Variants in VAC14 observed in about 807,000 individuals in gnomAD.
The protein encoded by VAC14 is protein VAC14 homolog.
A neutral mutation model predicts 85.3 loss-of-function variants in VAC14; 47 were observed. The ratio of observed to expected loss-of-function variants is 0.55; its 90% CI spans 0.44 to 0.70. The LOEUF is 0.70. VAC14 is among the 30% of genes least tolerant of loss of function. VAC14 has a pLI of 0.00. For missense variants in VAC14, 861 were observed against 1,004.3 expected (o/e 0.86, Z 1.93); for synonymous variants, 447 against 430.5 (o/e 1.04, Z -0.47).
intron 14 of VAC14, among the ~76,000 whole-genome samples, chr16:70,711,047 C>T (rs983180781): frequency 2.0e-5 from 3 of 152,360 alleles, no homozygotes; most frequent in Non-Finnish European, 2.9e-5. Context: ...AGCGGGGAGC[C>T]GCCAGCCCCT....
Position 70,692,762 on chromosome 16 carries a change from C to T in VAC14, c.2186+59G>A, listed in dbSNP as rs1486067276. The T allele has an allele frequency of 1.9e-6, 3 of 1,555,330 alleles. No individual in the cohort carries two copies. In the African/African-American group the frequency reaches 4.1e-5, roughly 21 times the overall value. ...CCTGGCAAGGCCCTTCCTCACCAGGCTCCTCTGGGCCTGTCCCTGCTCAGG... is the reference window on the plus strand; with the variant it reads ...CCTGGCAAGGCCCTTCCTCACCAGGTTCCTCTGGGCCTGTCCCTGCTCAGG... On this transcript the variant is annotated intron_variant, in intron 18 of 18. Coordinates refer to ENST00000261776, the MANE Select transcript of VAC14 (RefSeq NM_018052.5).
intron 9 of VAC14, among the ~76,000 whole-genome samples, chr16:70,775,601 C>T (rs532369512): frequency 8.5e-5 from 13 of 152,288 alleles, no homozygotes; most frequent in Admixed American, 7.2e-4. Flanking sequence ...GGGCTGGGCC[C>T]GCTCAGATGC....
In VAC14 at chr16:70,763,064, C is replaced by T. The variant is rs1309785812; in HGVS notation, c.1161-39G>A. On this transcript the variant is annotated intron_variant, in intron 10 of 18. Transcript: ENST00000261776. ...CGGGAGGGAGAGCAGAGGTGAAGCC[C>T]ACCATAGCCCTCTCCCATGGAGTCA... is the stretch of plus-strand genomic sequence containing the variant. 5.0e-6 allele frequency: 8 copies of T among 1,612,716 alleles called. No individual in the cohort carries two copies. In the Admixed American group the frequency reaches 1.2e-4, roughly 24 times the overall value.
rs751105042 is a variant in VAC14, at chr16:70,762,603, C to T, written c.1308G>A (p.Met436Ile). ...GAAAGAGGCTGTCCGTGTGCCGGAACATCTGGAGGGCAGAGAAGCAGGGGT... is the reference window on the plus strand; with the variant it reads ...GAAAGAGGCTGTCCGTGTGCCGGAATATCTGGAGGGCAGAGAAGCAGGGGT... The part of the protein sequence containing the change: ...YHLYIKTPRK[M>I]FRHTDSLFPI... Residue 436 changes from methionine to isoleucine, a missense_variant and splice_region_variant, in exon 12 of 19, where the codon ATG becomes ATA. By Grantham distance (10) the Met-to-Ile change is conservative. Coordinates refer to ENST00000261776, the MANE Select transcript of VAC14 (RefSeq NM_018052.5). The surrounding 1 kb of genome is among the most constrained non-coding windows in gnomAD (Gnocchi z 4.1). The T allele has an allele frequency of 9.3e-6, 15 of 1,614,064 alleles. No individual in the cohort carries two copies. Among genetic ancestry groups the T allele is most frequent in the Middle Eastern group, 1.6e-4 (1 of 6,062 alleles).
At chr16:70,721,568 C>T (rs958722124) in intron 14 of VAC14, among the ~76,000 whole-genome samples, 4 of 152,090 alleles carry the variant, frequency 2.6e-5, no homozygotes, top group African/African-American at 9.7e-5. Flanking sequence ...ATGGCGACCC[C>T]ATGGGAGGGC....
intron 4 of VAC14, 124 bp from the exon 5 acceptor site, chr16:70,784,344 A>G (rs1567604436): frequency 1.4e-6 from 1 of 716,554 alleles, no homozygotes; most frequent in Admixed American, 2.2e-5. Flanking sequence ...GCAGATCCTG[A>G]GCTAGGCATA....
At chr16:70,791,574 C>T (rs1048877417) in intron 1 of VAC14, among the ~76,000 whole-genome samples, 82 of 152,210 alleles carry the variant, frequency 5.4e-4, no homozygotes, top group African/African-American at 1.1e-3. Flanking sequence ...TTAGTAGAGA[C>T]GGGGTTTCAC....
chr16:70,776,088 A>AT (rs1334428209), intron 9 of VAC14, among the ~76,000 whole-genome samples: 1 of 152,158 alleles, frequency 6.6e-6, no homozygotes, highest in African/African-American at 2.4e-5. Flanking sequence ...GACACCCACC[A>AT]TAAGAACTAT....
In VAC14 at chr16:70,731,643, T is replaced by A. The variant is rs750719861; in HGVS notation, c.1529-16A>T. 6.2e-7 allele frequency: 1 copy of A among 1,612,898 alleles called. No individual in the cohort carries two copies. The highest frequency in any genetic ancestry group is 8.5e-7 in the Non-Finnish European group (1 of 1,179,526). On this transcript the variant is annotated splice_polypyrimidine_tract_variant and intron_variant, in intron 13 of 18. Coordinates refer to ENST00000261776, the MANE Select transcript of VAC14 (RefSeq NM_018052.5). ...CCTTTGGTACCTGTAGAGAAAGGGA[T>A]AGAGCCAGCATTTATTCTGATTATG...
chr16:70,699,005 C>G lies in VAC14; in HGVS notation c.1662-194G>C, dbSNP rs10153136. ...GGTGGGGGGAATGCCGCACCTGCCT[C>G]TAGGCCTCCCAGCACTGCCTACCTG... On this transcript the variant is annotated intron_variant, in intron 14 of 18. Coordinates refer to ENST00000261776, the MANE Select transcript of VAC14 (RefSeq NM_018052.5). 0.11 allele frequency among the ~76,000 whole-genome samples: 16,639 copies of G among 152,124 alleles called. 1,632 individuals are homozygous for G. Among genetic ancestry groups the G allele is most frequent in the African/African-American group, 0.27 (10,993 of 41,458 alleles).
chr16:70,767,828 C>A (rs564508264), intron 10 of VAC14, among the ~76,000 whole-genome samples: 1 of 152,250 alleles, frequency 6.6e-6, no homozygotes, highest in African/African-American at 2.4e-5. Context: ...GTGTAAAGTG[C>A]TTTCTGCGGC....
At chr16:70,772,312 A>G in intron 9 of VAC14, 140 bp from the exon 10 acceptor site, 2 of 686,988 alleles carry the variant, frequency 2.9e-6, no homozygotes. Flanking sequence ...ATGGCTCTGG[A>G]GCCCTGAGGA....
intron 13 of VAC14, among the ~76,000 whole-genome samples, chr16:70,736,159 G>A (rs2054744394): frequency 6.6e-6 from 1 of 152,210 alleles, no homozygotes; most frequent in Non-Finnish European, 1.5e-5. Context: ...GCAGTAGGAA[G>A]CACTGAGCAT....
Position 70,776,818 on chromosome 16 carries a change from T to C in VAC14, c.1096+3972A>G, listed in dbSNP as rs1238558894. Among the ~76,000 whole-genome samples, 4 of 132,720 alleles carry C rather than the reference T, an allele frequency of 3.0e-5. No individual in the cohort carries two copies. In the East Asian group the frequency reaches 8.0e-4, roughly 27 times the overall value. 87.1% of individuals were successfully genotyped at this position (132,720 alleles called of 152,430 possible). On this transcript the variant is annotated intron_variant, in intron 9 of 18. Transcript: ENST00000261776. ...GTCTTGTTTAAAAAATTCTACCAGG[T>C]TTTTTTTTTTTTGAGATGGAGTCTT...
At chr16:70,694,017 T>C (rs1332947416) in intron 17 of VAC14, among the ~76,000 whole-genome samples, 3 of 152,192 alleles carry the variant, frequency 2.0e-5, no homozygotes, top group Non-Finnish European at 2.9e-5. Context: ...AGCGCGAGCC[T>C]GTTTCCAGTC....
At chr16:70,711,297 T>C (rs1431875507) in intron 14 of VAC14, among the ~76,000 whole-genome samples, 1 of 152,136 alleles carries the variant, frequency 6.6e-6, no homozygotes, top group South Asian at 2.1e-4. Context: ...GGCATGGCCA[T>C]GCCCTCCTGA....
intron 12 of VAC14, among the ~76,000 whole-genome samples, chr16:70,758,568 G>T (rs1452677877): frequency 6.6e-6 from 1 of 152,214 alleles, no homozygotes; most frequent in African/African-American, 2.4e-5. Flanking sequence ...CGGGACCATG[G>T]AGAGGGCCCC....
At chr16:70,778,485 T>A (rs1301867877) in intron 9 of VAC14, 5 of 152,164 alleles carry the variant, frequency 3.3e-5, no homozygotes, top group Admixed American at 1.3e-4. Context: ...ATTTCACCAT[T>A]TTCAAAGTGT....
chr16:70,745,402 C>T (rs563904383), intron 12 of VAC14, among the ~76,000 whole-genome samples: 160 of 152,130 alleles, frequency 1.1e-3, no homozygotes, highest in Middle Eastern at 3.4e-3. Context: ...GCTGGCAGGG[C>T]GGCAAAGTCC....
Sources: gnomAD v4.1 joint callset for allele counts (sites outside exome capture counted in the v4.1 genomes callset) on GRCh38, gnomAD v4.1.1 for gene constraint, Gnocchi (gnomAD v3.1) non-coding constraint, MANE v1.5 for transcripts, NCBI Gene and HGNC (gene_info 2026-07-23, HGNC 2026-07-21) for gene names.